Variants in DLG2 observed in about 807,000 individuals in gnomAD.
The protein encoded by DLG2 is disks large homolog 2.
A neutral mutation model predicts 132.5 loss-of-function variants in DLG2; 45 were observed. The ratio of observed to expected loss-of-function variants is 0.34; its 90% CI spans 0.27 to 0.44. The LOEUF is 0.44. DLG2 is among the 20% of genes least tolerant of loss of function. The pLI is 1.00. For synonymous variants in DLG2, 424 were observed against 419.6 expected (o/e 1.01, Z -0.13); for missense variants, 1,045 against 1,196.9 (o/e 0.87, Z 1.87).
chr11:83,695,278 C>A (rs1034970962), intron 18 of DLG2, among the ~76,000 whole-genome samples: 3 of 152,164 alleles, frequency 2.0e-5, no homozygotes, highest in Admixed American at 6.5e-5. Flanking sequence ...AATAGCCCAG[C>A]CCCTGCCCTT....
chr11:83,763,589 G>C (rs2094008724), intron 18 of DLG2, among the ~76,000 whole-genome samples: 1 of 152,166 alleles, frequency 6.6e-6, no homozygotes, highest in Non-Finnish European at 1.5e-5. Flanking sequence ...AGGAAAATGT[G>C]AATGATCACC....
At chr11:85,196,735 A>G (rs1224524077) in intron 4 of DLG2, among the ~76,000 whole-genome samples, 2 of 152,232 alleles carry the variant, frequency 1.3e-5, no homozygotes, top group Non-Finnish European at 1.5e-5. Flanking sequence ...GTGCTTTAAG[A>G]ACATATATCC....
At chr11:84,685,085 G>A (rs2099736957) in intron 6 of DLG2, among the ~76,000 whole-genome samples, 1 of 152,180 alleles carries the variant, frequency 6.6e-6, no homozygotes, top group Non-Finnish European at 1.5e-5. Context: ...TCCTATTTAA[G>A]AGACACAGAA....
At chr11:84,097,737 A>G (rs928182657) in intron 10 of DLG2, among the ~76,000 whole-genome samples, 3 of 152,146 alleles carry the variant, frequency 2.0e-5, no homozygotes, top group African/African-American at 4.8e-5. Flanking sequence ...TTATTGAGCC[A>G]GTTATACATA....
intron 7 of DLG2, among the ~76,000 whole-genome samples, chr11:84,369,575 T>C (rs1369836973): frequency 6.6e-6 from 1 of 152,126 alleles, no homozygotes; most frequent in South Asian, 2.1e-4. Flanking sequence ...AATAGCTTCA[T>C]TTACTTTAAC....
chr11:85,312,114 T>A (rs1028916564), intron 3 of DLG2, among the ~76,000 whole-genome samples: 1 of 152,002 alleles, frequency 6.6e-6, no homozygotes, highest in African/African-American at 2.4e-5. Context: ...ACTCTGTACA[T>A]TCCTCTATAG....
At chr11:83,623,548 G>T (rs755555234) in intron 19 of DLG2, among the ~76,000 whole-genome samples, 1 of 152,182 alleles carries the variant, frequency 6.6e-6, no homozygotes, top group East Asian at 1.9e-4. Context: ...GAAAGAGCAC[G>T]TGAAGCCTGG....
intron 3 of DLG2, among the ~76,000 whole-genome samples, chr11:85,481,761 A>G (rs2093297131): frequency 1.3e-5 from 2 of 152,066 alleles, no homozygotes; most frequent in South Asian, 4.1e-4. Flanking sequence ...GTACCAGGCC[A>G]AACCCACATA....
At chr11:84,235,320 G>A (rs543446523) in intron 8 of DLG2, among the ~76,000 whole-genome samples, 10 of 152,314 alleles carry the variant, frequency 6.6e-5, no homozygotes, top group Admixed American at 6.5e-4. Flanking sequence ...TCCTGGAGCT[G>A]TATCGAGGGC....
intron 21 of DLG2, among the ~76,000 whole-genome samples, chr11:83,529,387 G>T (rs1213387173): frequency 6.6e-6 from 1 of 151,956 alleles, no homozygotes; most frequent in Non-Finnish European, 1.5e-5. Flanking sequence ...TCTACTTCTG[G>T]ACAAGTCTTC....
chr11:85,010,952 G>C (rs2059103640), intron 6 of DLG2, among the ~76,000 whole-genome samples: 1 of 152,110 alleles, frequency 6.6e-6, no homozygotes, highest in African/African-American at 2.4e-5. Context: ...ATTATAAAAA[G>C]ATTTTACTTA....
chr11:84,449,709 T>C (rs1279133669), intron 7 of DLG2, among the ~76,000 whole-genome samples: 1 of 151,934 alleles, frequency 6.6e-6, no homozygotes, highest in Non-Finnish European at 1.5e-5. Flanking sequence ...TTTACTTATG[T>C]TATTTTAAAA....
intron 9 of DLG2, among the ~76,000 whole-genome samples, chr11:84,141,467 A>G (rs1159194758): frequency 6.6e-6 from 1 of 152,118 alleles, no homozygotes; most frequent in Non-Finnish European, 1.5e-5. Flanking sequence ...AAACAAACAC[A>G]CACTCTCAGG....
At chr11:84,569,779 G>T (rs901264810) in intron 6 of DLG2, among the ~76,000 whole-genome samples, 8 of 152,172 alleles carry the variant, frequency 5.3e-5, no homozygotes, top group African/African-American at 1.9e-4. Context: ...ACTCACTTAA[G>T]ATTGAGGCCA....
intron 6 of DLG2, among the ~76,000 whole-genome samples, chr11:85,009,049 C>A (rs2058933336): frequency 6.6e-6 from 1 of 151,624 alleles, no homozygotes; most frequent in Non-Finnish European, 1.5e-5. Flanking sequence ...GGGAAATAGG[C>A]CTGTAGAACT....
At chr11:85,213,192 C>A (rs1255689379) in intron 4 of DLG2, among the ~76,000 whole-genome samples, 1 of 152,064 alleles carries the variant, frequency 6.6e-6, no homozygotes, top group Non-Finnish European at 1.5e-5. Flanking sequence ...GAGTAAAATT[C>A]TCTAAAATAT....
chr11:83,806,868 G>T (rs1241905190), intron 17 of DLG2, among the ~76,000 whole-genome samples: 1 of 152,118 alleles, frequency 6.6e-6, no homozygotes. Flanking sequence ...AACTAGAAAA[G>T]AAAGTATAAG....
chr11:85,316,493 AAGGTGGGTTAC>A (rs2080685340), intron 3 of DLG2, among the ~76,000 whole-genome samples: 1 of 152,000 alleles, frequency 6.6e-6, no homozygotes, highest in Middle Eastern at 3.2e-3. Context: ...ATTATGGAGC[AAGGTGGGTTAC>A]AGGTAGCAGG....
At chr11:83,814,789 C>A in intron 17 of DLG2, 1 of 223,692 alleles carries the variant, frequency 4.5e-6, no homozygotes, top group South Asian at 9.6e-5. Flanking sequence ...AGATCTTGAT[C>A]AATTCCTTTA....
Sources: gnomAD v4.1 joint callset for allele counts (sites outside exome capture counted in the v4.1 genomes callset) on GRCh38, gnomAD v4.1.1 for gene constraint, MANE v1.5 for transcripts, NCBI Gene and HGNC (gene_info 2026-07-23, HGNC 2026-07-21) for gene names.